The following GTPBP2 variants were observed in gnomAD, a reference collection of about 807,000 sequenced individuals.
GTPBP2 encodes GTP binding protein 2, also known as GTP-binding protein 2.
A neutral mutation model predicts 63.0 loss-of-function variants in GTPBP2; 32 were observed. The observed-to-expected ratio is 0.51, with a 90% CI of 0.38 to 0.68. The LOEUF (loss-of-function observed/expected upper bound fraction) is 0.68, where lower values mean the gene tolerates loss of function less well. Ranked by LOEUF, GTPBP2 falls within the 30% of genes least tolerant of loss-of-function variation. The pLI, the probability that GTPBP2 is intolerant of heterozygous loss-of-function variation, is 0.00. For synonymous variants in GTPBP2, 310 were observed against 322.6 expected (o/e 0.96, Z 0.42); for missense variants, 492 against 796.9 (o/e 0.62, Z 4.61).
Position 43,622,693 on chromosome 6 carries a change from C to T in GTPBP2, c.1407G>A (p.Leu469=). Residue 469 remains leucine, a synonymous_variant, in exon 10 of 12, where the codon CTG becomes CTA. Transcript: ENST00000307126. The surrounding 1 kb of genome is among the most constrained non-coding windows in gnomAD (Gnocchi z 5.4). ...CCAGTGTAGCAGCCTGACCAGCTCG[C>T]AGCACACGACAGGCAGAGCGGTTGC... ...IQRNRSACRV[L]RAGQAATLAL... 6.2e-7 allele frequency: 1 copy of T among 1,614,172 alleles called. No individual in the cohort carries two copies.
Position 43,623,947 on chromosome 6 carries a change from G to C in GTPBP2, c.1222C>G (p.Leu408Val). Residue 408 changes from leucine to valine, a missense_variant, in exon 8 of 12, where the codon CTG becomes GTG. Coordinates refer to ENST00000307126, the MANE Select transcript of GTPBP2 (RefSeq NM_019096.5). ...SKEQEELMQQ[L>V]TEFQVDEIYT... Reference sequence around the variant, plus strand: ...CAGTCAACTACCTGGAACTCCGTCAGCTGCTGCATGAGTTCCTCCTGCTCT... The same window carrying C: ...CAGTCAACTACCTGGAACTCCGTCACCTGCTGCATGAGTTCCTCCTGCTCT... 1 of 1,614,086 alleles carries C rather than the reference G, an allele frequency of 6.2e-7. No homozygotes were observed. The highest frequency in any genetic ancestry group is 8.5e-7 in the Non-Finnish European group (1 of 1,179,942).
intron 1 of GTPBP2, chr6:43,628,381 ATAAT>A (rs1210722062): frequency 6.0e-6 from 1 of 167,240 alleles, no homozygotes; most frequent in African/African-American, 2.6e-5. Context: ...AAATAAATAA[ATAAT>A]AAAAAAATAA....
chr6:43,629,662 A>C, upstream of GTPBP2: 1 of 1,402,172 alleles, frequency 7.1e-7, no homozygotes, highest in East Asian at 2.5e-5. Context: ...GATCCTAGAC[A>C]ACAGGTTTTG....
chr6:43,628,656 T>C (rs1769632601), intron 1 of GTPBP2: 2 of 887,590 alleles, frequency 2.3e-6, no homozygotes, highest in Non-Finnish European at 3.4e-6. Context: ...CAGTCTCTCT[T>C]GCCCTATGGC....
upstream of GTPBP2, among the ~76,000 whole-genome samples, chr6:43,631,291 C>T (rs1157194847): frequency 6.6e-6 from 1 of 152,086 alleles, no homozygotes; most frequent in Non-Finnish European, 1.5e-5. Flanking sequence ...CACAGGCCTA[C>T]TAGGGAAACT....
chr6:43,623,023 C>T (rs1768919041), intron 9 of GTPBP2: 1 of 550,158 alleles, frequency 1.8e-6, no homozygotes, highest in Non-Finnish European at 3.3e-6. Flanking sequence ...CAGAGAGACA[C>T]TTGCTGGTTT....
intron 1 of GTPBP2, 178 bp from the exon 2 acceptor site, chr6:43,627,126 T>C: frequency 1.5e-6 from 1 of 648,926 alleles, no homozygotes; most frequent in Non-Finnish European, 2.4e-6. Flanking sequence ...ACCCCCAGCA[T>C]AGCCTCTATG....
Position 43,629,213 on chromosome 6 carries a change from C to A in GTPBP2, c.-51G>T, listed in dbSNP as rs773996623. 25 of 1,249,384 alleles carry A rather than the reference C, an allele frequency of 2.0e-5. No individual in the cohort carries two copies. In the South Asian group the frequency reaches 5.0e-4, roughly 25 times the overall value. The allele number at this position is 1,249,384 out of a possible 1,614,324, so 77.4% of individuals were successfully genotyped here. On this transcript the variant is annotated 5_prime_UTR_variant, in exon 1 of 12. Transcript: ENST00000307126. ...CGGCCCCTCCCCCGACCGCCGCCGC[C>A]GTCGCCGCCGCCCTTACTGCCACTG...
rs758165889 is a variant in GTPBP2, at chr6:43,623,943, G to A, written c.1226C>T (p.Thr409Met). Residue 409 changes from threonine (T) to methionine (M), a missense_variant, in exon 8 of 12, where the codon ACG becomes ATG. Physicochemically the swap from Thr to Met is moderately conservative, Grantham distance 81. Around this residue, in one of 2 missense-constraint regions of GTPBP2, gnomAD observed 400 missense variants for 710.8 expected, o/e 0.56. Coordinates refer to ENST00000307126, the MANE Select transcript of GTPBP2 (RefSeq NM_019096.5). ...KEQEELMQQLTEFQVDEIYTV... is the reference protein window; with the variant it reads ...KEQEELMQQLMEFQVDEIYTV... ...TGGGCAGTCAACTACCTGGAACTCC[G>A]TCAGCTGCTGCATGAGTTCCTCCTG... 1.1e-5 allele frequency: 17 copies of A among 1,613,918 alleles called. No individual in the cohort carries two copies. The highest frequency in any genetic ancestry group is 1.7e-5 in the Admixed American group (1 of 59,984).
chr6:43,628,744 G>T, intron 1 of GTPBP2: 1 of 766,530 alleles, frequency 1.3e-6, no homozygotes, highest in African/African-American at 1.7e-5. Flanking sequence ...TAGATCAGAA[G>T]GGGGAGTCCT....
At chr6:43,623,557 C>T in intron 9 of GTPBP2, 180 bp downstream of exon 9, 1 of 614,344 alleles carries the variant, frequency 1.6e-6, no homozygotes, top group South Asian at 2.0e-5. Flanking sequence ...ACTGTTTCTT[C>T]CCTCCAAAGC....
At position 43,621,806 on chromosome 6, in the gene GTPBP2, G is replaced by A; in HGVS notation, c.1633-16C>T. The stretch of plus-strand genomic sequence containing the variant: ...GCAGTTTGTCCTGCAGCAAATAAGT[G>A]GTCACTCCCCTGGCCAGTGCCTTCT... On this transcript the variant is annotated splice_polypyrimidine_tract_variant and intron_variant, in intron 11 of 11. Transcript: ENST00000307126. The A allele has an allele frequency of 1.2e-6, 2 of 1,614,128 alleles. No individual in the cohort carries two copies. The highest frequency in any genetic ancestry group is 4.5e-5 in the East Asian group (2 of 44,878).
Position 43,625,448 on chromosome 6 carries a change from T to C in GTPBP2, c.620A>G (p.Asn207Ser), listed in dbSNP as rs1297737786. 1.9e-6 allele frequency: 3 copies of C among 1,614,046 alleles called. No homozygotes were observed. Among genetic ancestry groups the C allele is most frequent in the Non-Finnish European group, 2.5e-6 (3 of 1,180,002 alleles). ...AATCTCATGCAGGTGGCGGAAAAGGTTGAGCCGAGCCCGGCCCCGCCCATT... is the reference window on the plus strand; with the variant it reads ...AATCTCATGCAGGTGGCGGAAAAGGCTGAGCCGAGCCCGGCCCCGCCCATT... The part of the protein sequence containing the change: ...LDNGRGRARL[N>S]LFRHLHEIQS... Residue 207 changes from asparagine to serine, a missense_variant, in exon 5 of 12, where the codon AAC becomes AGC. This residue lies in a region of GTPBP2 where 400 missense variants were observed against 710.8 expected (regional missense o/e 0.56). Coordinates refer to ENST00000307126, the MANE Select transcript of GTPBP2 (RefSeq NM_019096.5). The surrounding 1 kb of genome is among the most constrained non-coding windows in gnomAD (Gnocchi z 5.1).
Position 43,624,579 on chromosome 6 carries a change from T to C in GTPBP2, c.1031A>G (p.Lys344Arg), listed in dbSNP as rs377623386. ...CTCAGAGGTGACCAGCATGGGGACC[T>C]TGTGGCAGCCAGGCTGCTTGAGGAC... ...ERVLKQPGCH[K>R]VPMLVTSEDD... The change falls in exon 7 of 12, where the codon AAG becomes AGG. Residue 344 changes from lysine to arginine, a missense_variant. Physicochemically the swap from Lys to Arg is conservative, Grantham distance 26 (BLOSUM62 2). Around this residue, in one of 2 missense-constraint regions of GTPBP2, gnomAD observed 400 missense variants for 710.8 expected, o/e 0.56. Transcript: ENST00000307126. The surrounding 1 kb of genome is among the most constrained non-coding windows in gnomAD (Gnocchi z 5.1). 1.9e-6 allele frequency: 3 copies of C among 1,614,008 alleles called. No individual in the cohort carries two copies. Among genetic ancestry groups the C allele is most frequent in the African/African-American group, 1.3e-5 (1 of 74,912 alleles).
At chr6:43,629,624 G>A (rs181104577), upstream of GTPBP2, 3,176 of 988,752 alleles carry the variant, frequency 3.2e-3, 9 homozygotes, top group Middle Eastern at 5.1e-3. Flanking sequence ...AGCTTTGTGG[G>A]CGCTCCGGGA....
chr6:43,625,791 C>T lies in GTPBP2; in HGVS notation c.472G>A (p.Glu158Lys). The stretch of plus-strand genomic sequence containing the variant: ...TCAGGGACCTTTCGTACTAGCACCT[C>T]GGTGATCTTCCGGGGCATGTCGCTA... ...YDSDMPRKIT[E>K]VLVRKVPDNQ... The change falls in exon 4 of 12, where the codon GAG (glutamate) becomes AAG (lysine). Residue 158 changes from glutamate to lysine, a missense_variant. Physicochemically the swap from Glu to Lys is moderately conservative, Grantham distance 56 (BLOSUM62 1). Coordinates refer to ENST00000307126, the MANE Select transcript of GTPBP2 (RefSeq NM_019096.5). The surrounding 1 kb of genome is among the most constrained non-coding windows in gnomAD (Gnocchi z 5.1). 1.2e-6 allele frequency: 2 copies of T among 1,614,018 alleles called. No homozygotes were observed. Among genetic ancestry groups the T allele is most frequent in the Non-Finnish European group, 1.7e-6 (2 of 1,179,906 alleles).
At chr6:43,627,064 T>C (rs1769421970) in intron 1 of GTPBP2, 116 bp from the exon 2 acceptor site, 2 of 949,440 alleles carry the variant, frequency 2.1e-6, no homozygotes, top group Non-Finnish European at 1.6e-6. Context: ...CCACTGGCAC[T>C]TGGTTAGGCA....
chr6:43,627,434 G>C, intron 1 of GTPBP2: 2 of 629,524 alleles, frequency 3.2e-6, no homozygotes, highest in Non-Finnish European at 4.0e-6. Flanking sequence ...CAGAGCCAAA[G>C]GGTGAGCTCA....
chr6:43,621,713 G>A lies in GTPBP2; in HGVS notation c.1710C>T (p.Ala570=). 3.1e-6 allele frequency: 5 copies of A among 1,614,162 alleles called. No homozygotes were observed. The part of the protein sequence containing the change: ...LKHPEYLKVG[A]KLLFREGVTK... ...TGACACCCTCCCGGAACAGCAGTTT[G>A]GCGCCCACCTTCAGGTACTCTGGGT... The change falls in exon 12 of 12, where the codon GCC becomes GCT. Residue 570 remains alanine (A), a synonymous_variant. Transcript: ENST00000307126.
Sources: gnomAD v4.1 joint callset for allele counts (sites outside exome capture counted in the v4.1 genomes callset) on GRCh38, gnomAD v4.1.1 for gene constraint, gnomAD v4.1.1 regional missense constraint, Gnocchi (gnomAD v3.1) non-coding constraint, MANE v1.5 for transcripts, NCBI Gene and HGNC (gene_info 2026-07-23, HGNC 2026-07-21) for gene names.